Variants in SKAP2 observed in about 807,000 individuals in gnomAD.
SKAP2 encodes src kinase associated phosphoprotein 2, also known as src kinase-associated phosphoprotein 2.
SKAP2 carries 28 observed loss-of-function variants against 54.9 expected under a neutral mutation model. The ratio of observed to expected loss-of-function variants is 0.51; its 90% CI spans 0.38 to 0.70. The LOEUF is 0.70. Among genes scored for constraint, SKAP2 ranks in the 30% least tolerant of loss-of-function variants. The probability of loss-of-function intolerance (pLI) is 0.00; values close to 1 mark genes in which losing one functional copy is unlikely to be tolerated. For synonymous variants in SKAP2, 137 were observed against 134.3 expected (o/e 1.02, Z -0.14); for missense variants, 356 against 424.1 (o/e 0.84, Z 1.41).
At chr7:26,756,264 G>C (rs1782790823) in intron 4 of SKAP2, among the ~76,000 whole-genome samples, 1 of 152,126 alleles carries the variant, frequency 6.6e-6, no homozygotes, top group African/African-American at 2.4e-5. Flanking sequence ...TGCCATGCTG[G>C]TGTGCTGCAC....
intron 9 of SKAP2, among the ~76,000 whole-genome samples, chr7:26,698,761 T>C (rs1786955646): frequency 6.6e-6 from 1 of 152,180 alleles, no homozygotes; most frequent in Non-Finnish European, 1.5e-5. Context: ...TGGCAGACAT[T>C]TTCTCAAAAG....
intron 11 of SKAP2, among the ~76,000 whole-genome samples, chr7:26,671,509 A>G (rs561062261): frequency 6.6e-6 from 1 of 152,180 alleles, no homozygotes; most frequent in Non-Finnish European, 1.5e-5. Context: ...TATGTAGTCT[A>G]TCAATAGAGA....
intron 4 of SKAP2, among the ~76,000 whole-genome samples, chr7:26,806,434 A>G (rs1784025350): frequency 6.6e-6 from 1 of 152,194 alleles, no homozygotes; most frequent in African/African-American, 2.4e-5. Context: ...TAAATAAGCC[A>G]GGTATGGCGT....
chr7:26,718,499 A>C (rs1302847154), intron 9 of SKAP2, among the ~76,000 whole-genome samples: 2 of 151,476 alleles, frequency 1.3e-5, no homozygotes, highest in Non-Finnish European at 3.0e-5. Context: ...ATTTTATTTT[A>C]ATTTATTTTA....
intron 1 of SKAP2, chr7:26,857,319 A>C (rs1158415945): frequency 4.2e-6 from 1 of 235,426 alleles, no homozygotes; most frequent in Non-Finnish European, 6.8e-6. Flanking sequence ...TTAAAAAAAA[A>C]AAAAAAAAAA....
At chr7:26,659,193 A>G in the SKAP2 span, among the ~76,000 whole-genome samples, 1 of 152,192 alleles carries the variant, frequency 6.6e-6, no homozygotes, top group African/African-American at 2.4e-5. Flanking sequence ...AGTGGATTAT[A>G]AGGGCCTTAA....
At chr7:26,661,195 T>C in the SKAP2 span, among the ~76,000 whole-genome samples, 1 of 152,112 alleles carries the variant, frequency 6.6e-6, no homozygotes, top group Non-Finnish European at 1.5e-5. Flanking sequence ...CATTAAAGCA[T>C]TAAGGTTACA....
chr7:26,767,205 A>G (rs1783078434), intron 4 of SKAP2, among the ~76,000 whole-genome samples: 1 of 152,120 alleles, frequency 6.6e-6, no homozygotes, highest in South Asian at 2.1e-4. Context: ...GGCAGGGTGT[A>G]TGTGTCCAGG....
intron 4 of SKAP2, among the ~76,000 whole-genome samples, chr7:26,792,797 G>A (rs1366062721): frequency 6.6e-6 from 1 of 152,136 alleles, no homozygotes; most frequent in Non-Finnish European, 1.5e-5. Context: ...CATTTATAAG[G>A]AGGATGGTCC....
intron 9 of SKAP2, among the ~76,000 whole-genome samples, chr7:26,720,982 A>G (rs1787565159): frequency 6.6e-6 from 1 of 152,218 alleles, no homozygotes; most frequent in East Asian, 1.9e-4. Flanking sequence ...TATTCCCACA[A>G]TATCACCACA....
chr7:26,659,376 A>G, the SKAP2 span, among the ~76,000 whole-genome samples: 2 of 152,332 alleles, frequency 1.3e-5, no homozygotes, highest in South Asian at 4.1e-4. Flanking sequence ...TCATCCAGGA[A>G]TAACTCAGGG....
intron 1 of SKAP2, chr7:26,857,722 A>G (rs1785202253): frequency 1.0e-6 from 1 of 985,406 alleles, no homozygotes; most frequent in African/African-American, 1.7e-5. Flanking sequence ...CACTAGACAA[A>G]TGGGGCTGGA....
At chr7:26,762,136 T>TA (rs1445767671) in intron 4 of SKAP2, among the ~76,000 whole-genome samples, 8 of 151,994 alleles carry the variant, frequency 5.3e-5, no homozygotes, top group African/African-American at 1.4e-4. Context: ...CATAGCTTTT[T>TA]AAAAAAACAT....
intron 4 of SKAP2, among the ~76,000 whole-genome samples, chr7:26,837,419 G>A (rs753307654): frequency 2.4e-4 from 37 of 152,098 alleles, no homozygotes; most frequent in Non-Finnish European, 4.3e-4. Context: ...CTTGGCTTCT[G>A]AGAAAGCCTC....
chr7:26,800,290 G>A (rs1783885719), intron 4 of SKAP2, among the ~76,000 whole-genome samples: 1 of 152,048 alleles, frequency 6.6e-6, no homozygotes, highest in African/African-American at 2.4e-5. Flanking sequence ...GTGAAGACAT[G>A]AAGAAGGAAA....
At chr7:26,781,353 T>A (rs1347807423) in intron 4 of SKAP2, among the ~76,000 whole-genome samples, 2 of 151,908 alleles carry the variant, frequency 1.3e-5, no homozygotes, top group Non-Finnish European at 2.9e-5. Context: ...GAAAAAAAAA[T>A]AAAGGCATAT....
At position 26,803,763 on chromosome 7, in the gene SKAP2, T is replaced by C. The variant is rs537839584; in HGVS notation, c.307+40267A>G. Among the ~76,000 whole-genome samples, 36 of 152,320 alleles carry C rather than the reference T, an allele frequency of 2.4e-4. 1 individual carries two copies. In the South Asian group the frequency reaches 6.4e-3, roughly 27 times the overall value. ...CTGGATAAAGAAAATGTGGTACATA[T>C]ACACAATGGAGTACTATTCAGCCAT... is the stretch of plus-strand genomic sequence containing the variant. On this transcript the variant is annotated intron_variant, in intron 4 of 12. Transcript: ENST00000345317.
At chr7:26,800,438 T>G (rs1240542226) in intron 4 of SKAP2, among the ~76,000 whole-genome samples, 2 of 152,036 alleles carry the variant, frequency 1.3e-5, no homozygotes, top group African/African-American at 4.8e-5. Flanking sequence ...TCAATGCATC[T>G]TCAAGAACTT....
At chr7:26,716,613 T>A (rs148163885) in intron 9 of SKAP2, among the ~76,000 whole-genome samples, 34 of 152,328 alleles carry the variant, frequency 2.2e-4, no homozygotes, top group African/African-American at 7.7e-4. Context: ...TATGGCTTAA[T>A]TTTACCATAT....
Sources: gnomAD v4.1 joint callset for allele counts (sites outside exome capture counted in the v4.1 genomes callset) on GRCh38, gnomAD v4.1.1 for gene constraint, MANE v1.5 for transcripts, NCBI Gene and HGNC (gene_info 2026-07-23, HGNC 2026-07-21) for gene names.